Variants in SSBP2 observed in about 807,000 individuals in gnomAD.
The protein encoded by SSBP2 is single-stranded DNA-binding protein 2.
In SSBP2, 17 loss-of-function variants were observed where a neutral mutation model predicts 61.8. That is an observed-to-expected ratio of 0.28 (90% CI 0.19 to 0.41). The LOEUF (loss-of-function observed/expected upper bound fraction) is 0.41. Ranked by LOEUF, SSBP2 falls within the 10% of genes least tolerant of loss-of-function variation. The pLI, the probability that SSBP2 is intolerant of heterozygous loss-of-function variation, is 1.00. For synonymous variants in SSBP2, 139 were observed against 141.3 expected, an observed-to-expected ratio of 0.98 and a Z score of 0.12; for missense variants, 310 against 458.7, an observed-to-expected ratio of 0.68 and a Z score of 2.96.
At chr5:81,558,078 C>G (rs552401384) in intron 4 of SSBP2, among the ~76,000 whole-genome samples, 2 of 152,292 alleles carry the variant, frequency 1.3e-5, no homozygotes, top group East Asian at 1.9e-4. Flanking sequence ...CAAGGCCCTT[C>G]TAAGTATACT....
chr5:81,671,931 A>T (rs915065205), intron 1 of SSBP2, among the ~76,000 whole-genome samples: 2 of 152,118 alleles, frequency 1.3e-5, no homozygotes, highest in African/African-American at 4.8e-5. Context: ...GAATAATAGC[A>T]TGAAAGAATT....
At chr5:81,722,670 C>CG (rs1368588962) in intron 1 of SSBP2, among the ~76,000 whole-genome samples, 1 of 151,986 alleles carries the variant, frequency 6.6e-6, no homozygotes, top group Non-Finnish European at 1.5e-5. Context: ...GTTTCCTCAT[C>CG]ATATGATGTT....
intron 3 of SSBP2, 32 bp from the exon 4 acceptor site, chr5:81,615,589 A>G: frequency 7.4e-7 from 1 of 1,353,168 alleles, no homozygotes; most frequent in African/African-American, 1.4e-5. Flanking sequence ...CATTAAGAAA[A>G]TCATACAACA....
chr5:81,487,033 A>C (rs182979609), intron 6 of SSBP2, among the ~76,000 whole-genome samples: 178 of 152,370 alleles, frequency 1.2e-3, no homozygotes, highest in Admixed American at 4.3e-3. Flanking sequence ...GCTGCCGTCA[A>C]GTAAATTAGT....
At chr5:81,506,728 G>A (rs1293803491) in intron 5 of SSBP2, among the ~76,000 whole-genome samples, 1 of 152,122 alleles carries the variant, frequency 6.6e-6, no homozygotes, top group African/African-American at 2.4e-5. Flanking sequence ...AATAGGAATA[G>A]CAGAGTAGAT....
intron 6 of SSBP2, among the ~76,000 whole-genome samples, chr5:81,475,865 GAACA>G (rs1435065349): frequency 1.3e-5 from 2 of 151,796 alleles, no homozygotes; most frequent in African/African-American, 4.8e-5. Flanking sequence ...AAGTTATATT[GAACA>G]AATAAATATG....
chr5:81,556,661 C>T (rs1772631721), intron 4 of SSBP2, among the ~76,000 whole-genome samples: 1 of 152,044 alleles, frequency 6.6e-6, no homozygotes, highest in East Asian at 1.9e-4. Context: ...AAATCCTTAT[C>T]GTTAAATCCA....
chr5:81,652,755 A>ATTTTTT (rs59159556), intron 1 of SSBP2, among the ~76,000 whole-genome samples: 2 of 147,966 alleles, frequency 1.4e-5, no homozygotes, highest in African/African-American at 2.5e-5. Flanking sequence ...GCAATCTCCA[A>ATTTTTT]TTTTTTTTTT....
chr5:81,731,367 C>A (rs1359162325), intron 1 of SSBP2, among the ~76,000 whole-genome samples: 2 of 151,814 alleles, frequency 1.3e-5, no homozygotes, highest in Non-Finnish European at 2.9e-5. Flanking sequence ...GAATTATTGC[C>A]CTCAAAAAGC....
chr5:81,637,075 CCAGTGATAATAG>C (rs1336711264), intron 2 of SSBP2, among the ~76,000 whole-genome samples: 1 of 152,214 alleles, frequency 6.6e-6, no homozygotes, highest in Non-Finnish European at 1.5e-5. Context: ...AGCAGTTCAT[CCAGTGATAATAG>C]CTGTGACAAT....
chr5:81,610,693 T>A (rs1446150133), intron 4 of SSBP2, among the ~76,000 whole-genome samples: 1 of 152,118 alleles, frequency 6.6e-6, no homozygotes, highest in South Asian at 2.1e-4. Flanking sequence ...TTTCATGAAG[T>A]CTGAAAATAG....
At chr5:81,737,913 C>G (rs1345264320) in intron 1 of SSBP2, among the ~76,000 whole-genome samples, 1 of 152,074 alleles carries the variant, frequency 6.6e-6, no homozygotes, top group Non-Finnish European at 1.5e-5. Flanking sequence ...AATGTCAGTC[C>G]TTTATGCGTT....
rs142698326 is a variant in SSBP2, at chr5:81,692,752, G to A, written c.63-42413C>T. ...GACAAAGATGTCAAGGATATACACC[G>A]GAGAAAGGAAAGTATCTTCAATAAA... On this transcript the variant is annotated intron_variant, in intron 1 of 16. Transcript: ENST00000320672. Among the ~76,000 whole-genome samples the A allele has an allele frequency of 1.9e-3, 294 of 151,184 alleles. 1 individual carries two copies. Among genetic ancestry groups the A allele is most frequent in the African/African-American group, 6.7e-3 (274 of 40,958 alleles).
chr5:81,644,133 A>G (rs1749059426), intron 2 of SSBP2, among the ~76,000 whole-genome samples: 1 of 152,206 alleles, frequency 6.6e-6, no homozygotes, highest in Non-Finnish European at 1.5e-5. Flanking sequence ...ACCTTATTTA[A>G]CAGCAAAGAT....
At chr5:81,593,266 T>G (rs1743296543) in intron 4 of SSBP2, among the ~76,000 whole-genome samples, 1 of 151,846 alleles carries the variant, frequency 6.6e-6, no homozygotes, top group Non-Finnish European at 1.5e-5. Flanking sequence ...ATGAATGAAA[T>G]GAAGCAGGAA....
At chr5:81,538,500 C>G (rs1770991035) in intron 4 of SSBP2, among the ~76,000 whole-genome samples, 1 of 152,176 alleles carries the variant, frequency 6.6e-6, no homozygotes, top group African/African-American at 2.4e-5. Flanking sequence ...GGTGGTTATA[C>G]CAAACAACAG....
chr5:81,586,718 G>A (rs1775084697), intron 4 of SSBP2, among the ~76,000 whole-genome samples: 2 of 151,858 alleles, frequency 1.3e-5, no homozygotes, highest in Non-Finnish European at 2.9e-5. Flanking sequence ...GCTGGCTTTG[G>A]GGAACTTTGA....
chr5:81,739,053 T>G (rs1189269859), intron 1 of SSBP2, among the ~76,000 whole-genome samples: 2 of 148,480 alleles, frequency 1.3e-5, no homozygotes, highest in African/African-American at 5.0e-5. Context: ...TAGTCCCAGC[T>G]ACTTGGGAGG....
chr5:81,638,888 T>G (rs1748509540), intron 2 of SSBP2, among the ~76,000 whole-genome samples: 1 of 152,230 alleles, frequency 6.6e-6, no homozygotes, highest in African/African-American at 2.4e-5. Context: ...TTTAAAATCA[T>G]TTCAGAATTA....
Sources: allele counts gnomAD v4.1 joint callset (sites outside exome capture counted in the v4.1 genomes callset), GRCh38; gene constraint gnomAD v4.1.1; transcripts MANE v1.5; gene names NCBI Gene and HGNC (gene_info 2026-07-23, HGNC 2026-07-21).